The following CNTNAP2 variants were observed in gnomAD, a reference collection of about 807,000 sequenced individuals.
CNTNAP2 encodes the protein contactin associated protein 2.
In CNTNAP2, 98 loss-of-function variants were observed where a neutral mutation model predicts 155.2. That is an observed-to-expected ratio of 0.63 (90% CI 0.54 to 0.75). The LOEUF (loss-of-function observed/expected upper bound fraction) is 0.75. Ranked by LOEUF, CNTNAP2 falls within the 30% of genes least tolerant of loss-of-function variation. CNTNAP2 has a pLI of 0.00. For synonymous variants in CNTNAP2, 651 were observed against 631.2 expected (o/e 1.03, Z -0.47); for missense variants, 1,727 against 1,688.1 (o/e 1.02, Z -0.40).
chr7:146,192,677 T>G (rs1301007105), intron 1 of CNTNAP2, among the ~76,000 whole-genome samples: 1 of 152,140 alleles, frequency 6.6e-6, no homozygotes, highest in Non-Finnish European at 1.5e-5. Context: ...CAATTCAAGG[T>G]GGGTGGGGAC....
At chr7:146,938,480 A>C (rs28558097) in intron 3 of CNTNAP2, among the ~76,000 whole-genome samples, 6,624 of 150,962 alleles carry the variant, frequency 0.044, 165 homozygotes, top group South Asian at 0.076. Flanking sequence ...TATAATATAT[A>C]AAACTACTTC....
chr7:147,607,020 T>C (rs1370870707), intron 12 of CNTNAP2, among the ~76,000 whole-genome samples: 1 of 152,168 alleles, frequency 6.6e-6, no homozygotes, highest in Non-Finnish European at 1.5e-5. Context: ...CCTTTGAATA[T>C]GTTAACTGTG....
chr7:147,706,779 A>G (rs1449661280), intron 13 of CNTNAP2, among the ~76,000 whole-genome samples: 2 of 152,028 alleles, frequency 1.3e-5, no homozygotes, highest in African/African-American at 4.8e-5. Flanking sequence ...ACATTTGATC[A>G]CCTGATTGTG....
chr7:148,101,575 GA>G (rs1230229158), intron 15 of CNTNAP2, among the ~76,000 whole-genome samples: 4 of 152,158 alleles, frequency 2.6e-5, no homozygotes, highest in Admixed American at 1.3e-4. Context: ...AAGTTCTGCA[GA>G]AGTGAAATGT....
chr7:147,608,569 T>C (rs1010139654), intron 12 of CNTNAP2, among the ~76,000 whole-genome samples: 2 of 152,148 alleles, frequency 1.3e-5, no homozygotes, highest in African/African-American at 4.8e-5. Context: ...CCCAAAGAGC[T>C]GGGATAATAG....
At chr7:147,492,217 C>T (rs1798621365) in intron 11 of CNTNAP2, among the ~76,000 whole-genome samples, 1 of 152,140 alleles carries the variant, frequency 6.6e-6, no homozygotes, top group African/African-American at 2.4e-5. Context: ...AGTGCACAAC[C>T]TCGATCCCTC....
chr7:146,978,557 G>T (rs1344309465), intron 3 of CNTNAP2, among the ~76,000 whole-genome samples: 1 of 152,078 alleles, frequency 6.6e-6, no homozygotes, highest in Non-Finnish European at 1.5e-5. Flanking sequence ...AAGAAGGGGA[G>T]ATTTTTCAGT....
intron 8 of CNTNAP2, among the ~76,000 whole-genome samples, chr7:147,199,298 G>A (rs1802874102): frequency 6.6e-6 from 1 of 151,986 alleles, no homozygotes. Flanking sequence ...TGAGTTAAGG[G>A]CAAATACAGG....
At chr7:146,673,688 A>T (rs890229423) in intron 1 of CNTNAP2, among the ~76,000 whole-genome samples, 8 of 152,194 alleles carry the variant, frequency 5.3e-5, no homozygotes, top group African/African-American at 1.9e-4. Flanking sequence ...TTCTCTATGT[A>T]GCTTTCCTTT....
rs1797089182 is a variant in CNTNAP2, at chr7:146,943,111, CATT to C, written c.403-100793_403-100791del. ...TATATAATTTTTGACTCCTAAAAAA[CATT>C]ATAGCCTACTGTTGACCATAAGCCT... On this transcript the variant is annotated intron_variant, in intron 3 of 23. Transcript: ENST00000361727. 5.3e-5 allele frequency among the ~76,000 whole-genome samples: 8 copies of C among 152,162 alleles called. No homozygotes were observed. In the South Asian group the frequency reaches 1.7e-3, roughly 31 times the overall value.
intron 3 of CNTNAP2, among the ~76,000 whole-genome samples, chr7:146,938,962 T>C (rs1189749862): frequency 6.6e-6 from 1 of 152,108 alleles, no homozygotes; most frequent in Non-Finnish European, 1.5e-5. Flanking sequence ...TAAGTTTTAG[T>C]GCAGAAAGAC....
At chr7:146,987,611 G>A (rs1264094574) in intron 3 of CNTNAP2, among the ~76,000 whole-genome samples, 1 of 151,994 alleles carries the variant, frequency 6.6e-6, no homozygotes. Flanking sequence ...TATCTTCTTC[G>A]CAGGTCTTTG....
chr7:146,507,217 T>C (rs1208065327), intron 1 of CNTNAP2, among the ~76,000 whole-genome samples: 1 of 152,152 alleles, frequency 6.6e-6, no homozygotes, highest in East Asian at 1.9e-4. Flanking sequence ...GCATATACAG[T>C]TGTTAATTCC....
intron 1 of CNTNAP2, among the ~76,000 whole-genome samples, chr7:146,362,789 T>TG (rs1795101120): frequency 8.9e-6 from 1 of 111,830 alleles, no homozygotes; most frequent in Admixed American, 1.1e-4. Flanking sequence ...TTTTTTTTTT[T>TG]GAGACGGAGT....
Position 147,176,867 on chromosome 7 carries a change from GAATAATTATAATATATAATTATATATTAT to G in CNTNAP2, c.1348+44379_1348+44407del, listed in dbSNP as rs556195169. Among the ~76,000 whole-genome samples the G allele has an allele frequency of 1.0e-4, 12 of 114,304 alleles. No homozygotes were observed. In the South Asian group the frequency reaches 1.5e-3, roughly 14 times the overall value. The allele number at this position is 114,304 out of a possible 152,430, so 75.0% of individuals were successfully genotyped here. On this transcript the variant is annotated intron_variant, in intron 8 of 23. Transcript: ENST00000361727. The stretch of plus-strand genomic sequence containing the variant: ...ATTATAATATATAATAGATATTATA[GAATAATTATAATATATAATTATATATTAT>G]AATAATTATAATATATAATTTTAAT...
At chr7:148,101,736 C>G (rs994244621) in intron 15 of CNTNAP2, among the ~76,000 whole-genome samples, 2 of 152,132 alleles carry the variant, frequency 1.3e-5, no homozygotes, top group African/African-American at 4.8e-5. Flanking sequence ...GGGTGGCTGT[C>G]AGACTGTTGG....
intron 3 of CNTNAP2, among the ~76,000 whole-genome samples, chr7:146,910,951 A>G (rs1176540743): frequency 4.6e-5 from 7 of 151,304 alleles, no homozygotes; most frequent in Admixed American, 2.6e-4. Context: ...ACTCAAACAA[A>G]TTTACAAGAA....
chr7:147,237,173 C>A (rs1439212881), intron 8 of CNTNAP2, among the ~76,000 whole-genome samples: 1 of 148,640 alleles, frequency 6.7e-6, no homozygotes, highest in Non-Finnish European at 1.5e-5. Context: ...TCAAGCAATT[C>A]TCGTGCCTCA....
At chr7:146,326,767 C>G (rs887481059) in intron 1 of CNTNAP2, among the ~76,000 whole-genome samples, 3 of 152,192 alleles carry the variant, frequency 2.0e-5, no homozygotes, top group African/African-American at 4.8e-5. Flanking sequence ...ACTCACAGAA[C>G]TAATTTACTA....
Sources: allele counts gnomAD v4.1 joint callset (sites outside exome capture counted in the v4.1 genomes callset), GRCh38; gene constraint gnomAD v4.1.1; transcripts MANE v1.5; gene names NCBI Gene and HGNC (gene_info 2026-07-23, HGNC 2026-07-21).